Variants in STRIP1 observed in about 807,000 individuals in gnomAD.
The protein encoded by STRIP1 is striatin-interacting protein 1.
In STRIP1, 63 loss-of-function variants were observed where a neutral mutation model predicts 106.2. The observed-to-expected ratio is 0.59, with a 90% CI of 0.48 to 0.73. The LOEUF is 0.73. Among genes scored for constraint, STRIP1 ranks in the 30% least tolerant of loss-of-function variants. STRIP1 has a pLI of 0.00. For synonymous variants in STRIP1, 390 were observed against 413.0 expected, an observed-to-expected ratio of 0.94 and a Z score of 0.67; for missense variants, 857 against 1,074.8, an observed-to-expected ratio of 0.80 and a Z score of 2.83.
rs770561705 is a variant in STRIP1 at position 110,034,665 on chromosome 1, C to G, written c.28C>G (p.Pro10Ala). The G allele has an allele frequency of 1.4e-5, 21 of 1,523,272 alleles. No homozygotes were observed. Among genetic ancestry groups the G allele is most frequent in the Non-Finnish European group, 2.6e-6 (3 of 1,136,434 alleles). 94.4% of individuals were successfully genotyped at this position (1,523,272 alleles called of 1,614,324 possible). The part of the protein sequence containing the change: MEPAVGGPG[P>A]LIVNNKQPQP... ...GGAGCCGGCAGTCGGCGGTCCGGGC[C>G]CACTGATCGTGAACAACAAACAGCC... The change falls in exon 1 of 21, where the codon CCA becomes GCA. Residue 10 changes from proline (P) to alanine (A), a missense_variant. By Grantham distance (27) the Pro-to-Ala change is conservative. Around this residue, in one of 2 missense-constraint regions of STRIP1, gnomAD observed 107 missense variants for 85.1 expected, o/e 1.26. Transcript: ENST00000369795.
intron 1 of STRIP1, among the ~76,000 whole-genome samples, chr1:110,035,025 C>G (rs1311362889): frequency 6.6e-6 from 1 of 152,212 alleles, no homozygotes; most frequent in Non-Finnish European, 1.5e-5. Flanking sequence ...CTCCGCCGCC[C>G]GGGAGAGCTT....
rs1444390779 is a variant in STRIP1 at position 110,049,266 on chromosome 1, T to G, written c.1788+28T>G. Reference sequence around the variant, plus strand: ...ACCCACAGGGCTTTCCCTCCTGTCCTGTGGGCTGGGGCCTCGGGCACTGCT... The same window carrying G: ...ACCCACAGGGCTTTCCCTCCTGTCCGGTGGGCTGGGGCCTCGGGCACTGCT... On this transcript the variant is annotated intron_variant, in intron 16 of 20. Transcript: ENST00000369795. The G allele has an allele frequency of 1.9e-6, 3 of 1,613,836 alleles. No homozygotes were observed. The South Asian group carries it at 3.3e-5, about 18-fold the overall frequency.
At chr1:110,039,669 GT>G in intron 5 of STRIP1, 154 bp downstream of exon 5, 1 of 1,054,032 alleles carries the variant, frequency 9.5e-7, no homozygotes, top group Non-Finnish European at 1.4e-6. Context: ...AACGGAGTTG[GT>G]CACTTACACC....
intron 12 of STRIP1, 37 bp from the exon 13 acceptor site, chr1:110,046,642 GT>G: frequency 6.3e-7 from 1 of 1,597,548 alleles, no homozygotes; most frequent in South Asian, 1.1e-5. Flanking sequence ...GCCAGAGAAT[GT>G]TTTCCCCAGC....
upstream of STRIP1, chr1:110,034,532 C>T: frequency 7.4e-7 from 1 of 1,355,966 alleles, no homozygotes; most frequent in Non-Finnish European, 9.6e-7. Flanking sequence ...TAACACTGGC[C>T]GCCACACTTA....
chr1:110,051,103 C>G (rs1220674848), intron 19 of STRIP1, 43 bp downstream of exon 19: 6 of 1,323,342 alleles, frequency 4.5e-6, no homozygotes, highest in Non-Finnish European at 6.6e-6. Flanking sequence ...ACTTGGAGCT[C>G]AAAGAAGAGT....
In STRIP1 at chr1:110,041,744, G is replaced by T. The variant is rs759669218; in HGVS notation, c.768G>T (p.Leu256=). 24 of 1,614,024 alleles carry T rather than the reference G, an allele frequency of 1.5e-5. No individual in the cohort carries two copies. The highest frequency in any genetic ancestry group is 1.9e-5 in the Non-Finnish European group (22 of 1,180,032). ...QTFRAELGSP[L]YNNEPFAIML... Reference sequence around the variant, plus strand: ...TTGTGTCACCTCCAGGCTCCCCGCTGTACAACAATGAGCCATTTGCCATCA... The same window carrying T: ...TTGTGTCACCTCCAGGCTCCCCGCTTTACAACAATGAGCCATTTGCCATCA... Residue 256 remains leucine, a synonymous_variant, in exon 8 of 21, where the codon CTG becomes CTT. Coordinates refer to ENST00000369795, the MANE Select transcript of STRIP1 (RefSeq NM_033088.4).
chr1:110,044,945 G>C (rs575456341), intron 11 of STRIP1, 40 bp downstream of exon 11: 1 of 1,613,564 alleles, frequency 6.2e-7, no homozygotes, highest in Admixed American at 1.7e-5. Flanking sequence ...TAGCTCTCCC[G>C]GCCTTTGGTG....
chr1:110,049,624 T>C, intron 17 of STRIP1, 64 bp downstream of exon 17: 3 of 1,181,838 alleles, frequency 2.5e-6, no homozygotes, highest in Non-Finnish European at 3.8e-6. Flanking sequence ...CCAGCTGGTA[T>C]TTCCCACTGT....
chr1:110,051,629 G>A, intron 19 of STRIP1, 54 bp from the exon 20 acceptor site: 1 of 1,505,318 alleles, frequency 6.6e-7, no homozygotes, highest in Middle Eastern at 2.3e-4. Flanking sequence ...GACCTGGGAT[G>A]TATGCATTTA....
chr1:110,048,157 A>G (rs977299417), intron 15 of STRIP1: 1 of 370,958 alleles, frequency 2.7e-6, no homozygotes, highest in African/African-American at 2.1e-5. Flanking sequence ...CACCCTGGAC[A>G]TTTCCCCAAA....
Position 110,045,925 on chromosome 1 carries a change from C to T in STRIP1, c.1417-755C>T, listed in dbSNP as rs776893556. ...GAGATGAGGGGTGTTTCGCAAACCC[C>T]TGTCCCTCCACACGGGAGAGAACAT... On this transcript the variant is annotated intron_variant, in intron 12 of 20. Coordinates refer to ENST00000369795, the MANE Select transcript of STRIP1 (RefSeq NM_033088.4). Among the ~76,000 whole-genome samples the T allele has an allele frequency of 2.4e-4, 36 of 152,200 alleles. 1 individual carries two copies. The highest frequency in any genetic ancestry group is 1.5e-5 in the Non-Finnish European group (1 of 68,036).
At chr1:110,034,370 G>A (rs1652327127), upstream of STRIP1, among the ~76,000 whole-genome samples, 1 of 152,070 alleles carries the variant, frequency 6.6e-6, no homozygotes, top group Non-Finnish European at 1.5e-5. Context: ...AGGAAGGAGG[G>A]GTAACTAAAC....
In STRIP1 at chr1:110,041,718, T is replaced by A. The variant is rs749002538; in HGVS notation, c.758-16T>A. On this transcript the variant is annotated splice_polypyrimidine_tract_variant and intron_variant, in intron 7 of 20. Coordinates refer to ENST00000369795, the MANE Select transcript of STRIP1 (RefSeq NM_033088.4). ...AAGGCTTTGGGAGGGTCCTGATACC[T>A]TTGTGTCACCTCCAGGCTCCCCGCT... The A allele has an allele frequency of 6.2e-7, 1 of 1,614,110 alleles. No homozygotes were observed. Among genetic ancestry groups the A allele is most frequent in the East Asian group, 2.2e-5 (1 of 44,862 alleles).
intron 6 of STRIP1, chr1:110,041,146 C>T (rs1289393100): frequency 5.2e-6 from 1 of 193,416 alleles, no homozygotes; most frequent in Non-Finnish European, 1.1e-5. Context: ...ACCAAGATCA[C>T]CCCTCAGTTT....
At chr1:110,033,469 G>C (rs1351401491), upstream of STRIP1, among the ~76,000 whole-genome samples, 1 of 152,190 alleles carries the variant, frequency 6.6e-6, no homozygotes, top group African/African-American at 2.4e-5. Context: ...ATTCATAAAG[G>C]AAAGAAAGTT....
Position 110,043,156 on chromosome 1 carries a change from CCCG to C in STRIP1, c.956_958del (p.Pro319del). On this transcript the variant is annotated inframe_deletion, in exon 9 of 21. Transcript: ENST00000369795. ...AGAAGCGCAGCATCCTGGGCCTCCC[CCCG>C]CTTCCTGAGGACAGCATCAAAGTGA... is the stretch of plus-strand genomic sequence containing the variant. 1 of 1,614,064 alleles carries C rather than the reference CCCG, an allele frequency of 6.2e-7. No homozygotes were observed. The highest frequency in any genetic ancestry group is 8.5e-7 in the Non-Finnish European group (1 of 1,180,036).
intron 5 of STRIP1, chr1:110,039,909 T>TG (rs1228234832): frequency 7.7e-7 from 1 of 1,293,572 alleles, no homozygotes; most frequent in Non-Finnish European, 1.0e-6. Context: ...TGCCTGGCCT[T>TG]GCCTGTGTCA....
chr1:110,037,281 T>C (rs1652504295), intron 1 of STRIP1, among the ~76,000 whole-genome samples: 3 of 152,274 alleles, frequency 2.0e-5, no homozygotes, highest in Non-Finnish European at 4.4e-5. Flanking sequence ...TAATCACCTA[T>C]TTCCAGCAGG....
Sources: allele counts gnomAD v4.1 joint callset (sites outside exome capture counted in the v4.1 genomes callset), GRCh38; gene constraint gnomAD v4.1.1; regional missense constraint gnomAD v4.1.1; transcripts MANE v1.5; gene names NCBI Gene and HGNC (gene_info 2026-07-23, HGNC 2026-07-21).